The following CTNNA3 variants were observed in gnomAD, a reference collection of about 807,000 sequenced individuals.
CTNNA3 encodes the protein catenin alpha-3.
CTNNA3 carries 76 observed loss-of-function variants against 95.7 expected under a neutral mutation model. That is an observed-to-expected ratio of 0.79 (90% CI 0.66 to 0.96). The LOEUF is 0.96. Ranked by LOEUF, CTNNA3 falls within the 40% of genes least tolerant of loss-of-function variation. The probability of loss-of-function intolerance (pLI) is 0.00; values close to 1 mark genes in which losing one functional copy is unlikely to be tolerated. For synonymous variants in CTNNA3, 431 were observed against 374.4 expected, an observed-to-expected ratio of 1.15 and a Z score of -1.74; for missense variants, 1,191 against 1,089.8, an observed-to-expected ratio of 1.09 and a Z score of -1.31.
At chr10:66,084,244 G>C (rs974950557) in intron 14 of CTNNA3, among the ~76,000 whole-genome samples, 1 of 151,886 alleles carries the variant, frequency 6.6e-6, no homozygotes, top group African/African-American at 2.4e-5. Context: ...AGTTCTGCAG[G>C]CTCTGAAAGT....
chr10:67,408,058 G>A (rs1159566825), intron 5 of CTNNA3, among the ~76,000 whole-genome samples: 3 of 152,184 alleles, frequency 2.0e-5, no homozygotes, highest in East Asian at 1.9e-4. Context: ...TCTTCAAGGA[G>A]AACTACAAAC....
At chr10:66,512,357 G>A (rs548222119) in intron 11 of CTNNA3, among the ~76,000 whole-genome samples, 7 of 152,000 alleles carry the variant, frequency 4.6e-5, no homozygotes, top group Admixed American at 2.6e-4. Context: ...GAATTTAAAC[G>A]GTTTACATTT....
chr10:66,159,487 T>G (rs1002383204), intron 13 of CTNNA3, among the ~76,000 whole-genome samples: 1 of 152,138 alleles, frequency 6.6e-6, no homozygotes, highest in African/African-American at 2.4e-5. Context: ...TTACCATCCC[T>G]GCATCCCTGG....
chr10:66,723,966 T>A (rs1458845231), intron 9 of CTNNA3, among the ~76,000 whole-genome samples: 1 of 152,128 alleles, frequency 6.6e-6, no homozygotes, highest in Non-Finnish European at 1.5e-5. Context: ...TCATATTTTT[T>A]CCCCTCCTGG....
intron 17 of CTNNA3, among the ~76,000 whole-genome samples, chr10:65,960,751 T>TGTAAGTGAG (rs756303229): frequency 3.3e-5 from 5 of 152,182 alleles, no homozygotes; most frequent in African/African-American, 4.8e-5. Context: ...ACCTCCCACT[T>TGTAAGTGAG]GTAAGTGAGG....
chr10:66,554,270 A>G (rs941736840), intron 10 of CTNNA3, among the ~76,000 whole-genome samples: 1 of 152,130 alleles, frequency 6.6e-6, no homozygotes, highest in East Asian at 1.9e-4. Flanking sequence ...TTTCCCCTGA[A>G]TACAGATATT....
chr10:66,704,517 T>C lies in CTNNA3; in HGVS notation c.1281+61747A>G, dbSNP rs186603429. On this transcript the variant is annotated intron_variant, in intron 9 of 17. Coordinates refer to ENST00000433211, the MANE Select transcript of CTNNA3 (RefSeq NM_013266.4). ...ATTGGAAACCTGCCATTGGTGTGTT[T>C]GGCCTGCATACATGCCATTTTATTA... Among the ~76,000 whole-genome samples, 921 of 152,312 alleles carry C rather than the reference T, an allele frequency of 6.0e-3. 5 individuals carry two copies. Among genetic ancestry groups the C allele is most frequent in the Non-Finnish European group, 9.9e-3 (676 of 68,024 alleles).
intron 15 of CTNNA3, among the ~76,000 whole-genome samples, chr10:66,024,012 T>C (rs1387808855): frequency 6.6e-6 from 1 of 151,746 alleles, no homozygotes; most frequent in African/African-American, 2.4e-5. Context: ...AGCTTCTTGT[T>C]AGAACAATTT....
intron 1 of CTNNA3, among the ~76,000 whole-genome samples, chr10:67,702,934 T>C (rs1841052763): frequency 2.0e-5 from 3 of 151,874 alleles, no homozygotes; most frequent in Admixed American, 1.3e-4. Flanking sequence ...TAAAAAATGA[T>C]AAAGGGGATA....
intron 15 of CTNNA3, among the ~76,000 whole-genome samples, chr10:66,055,043 T>C (rs994493250): frequency 6.6e-6 from 1 of 152,076 alleles, no homozygotes; most frequent in Non-Finnish European, 1.5e-5. Flanking sequence ...AATGAGTGGG[T>C]TTATTTCTGG....
intron 7 of CTNNA3, among the ~76,000 whole-genome samples, chr10:66,946,822 G>A (rs1416780362): frequency 1.3e-5 from 2 of 151,962 alleles, no homozygotes. Flanking sequence ...ATGGATCTAC[G>A]TATGTACTTG....
At chr10:66,147,787 T>TGTATGTATAGTATGTATA (rs11282633) in intron 13 of CTNNA3, among the ~76,000 whole-genome samples, 1 of 149,586 alleles carries the variant, frequency 6.7e-6, no homozygotes, top group African/African-American at 2.5e-5. Context: ...ATGTATAGTA[T>TGTATGTATAGTATGTATA]GTATGTATAG....
chr10:66,672,299 T>C (rs1482395908), intron 9 of CTNNA3, among the ~76,000 whole-genome samples: 1 of 152,124 alleles, frequency 6.6e-6, no homozygotes, highest in East Asian at 1.9e-4. Context: ...GTGAAGAAGA[T>C]ATAAAGAGCT....
intron 5 of CTNNA3, among the ~76,000 whole-genome samples, chr10:67,324,602 G>A (rs528014165): frequency 6.6e-6 from 1 of 152,128 alleles, no homozygotes; most frequent in Admixed American, 6.5e-5. Flanking sequence ...CGATTATGGT[G>A]GATAATATTT....
intron 17 of CTNNA3, among the ~76,000 whole-genome samples, chr10:65,935,678 G>T (rs994375614): frequency 2.6e-5 from 4 of 151,932 alleles, no homozygotes; most frequent in Non-Finnish European, 5.9e-5. Context: ...TGTATCTTAG[G>T]GTCACGGAGA....
intron 7 of CTNNA3, among the ~76,000 whole-genome samples, chr10:66,834,027 G>T (rs1226450240): frequency 1.3e-5 from 2 of 152,112 alleles, no homozygotes; most frequent in African/African-American, 4.8e-5. Context: ...CAACAATAGG[G>T]TGTATTGTTC....
chr10:67,335,161 G>T (rs78181885), intron 5 of CTNNA3, among the ~76,000 whole-genome samples: 1 of 151,934 alleles, frequency 6.6e-6, no homozygotes, highest in Non-Finnish European at 1.5e-5. Context: ...GTTTCCTCCC[G>T]TATCCCAAAG....
intron 9 of CTNNA3, among the ~76,000 whole-genome samples, chr10:66,706,265 T>C (rs1848113311): frequency 6.6e-6 from 1 of 152,032 alleles, no homozygotes; most frequent in South Asian, 2.1e-4. Context: ...CTTCCTTTTC[T>C]TCTTTCCTTC....
chr10:67,270,306 C>A (rs1838918279), intron 5 of CTNNA3, among the ~76,000 whole-genome samples: 1 of 152,016 alleles, frequency 6.6e-6, no homozygotes, highest in Admixed American at 6.6e-5. Context: ...TTTAAAAGCA[C>A]TTTTTAAAAG....
Sources: allele counts gnomAD v4.1 joint callset (sites outside exome capture counted in the v4.1 genomes callset), GRCh38; gene constraint gnomAD v4.1.1; transcripts MANE v1.5; gene names NCBI Gene and HGNC (gene_info 2026-07-23, HGNC 2026-07-21).